The following DNAH7 variants were observed in gnomAD, a reference collection of about 807,000 sequenced individuals.
The protein encoded by DNAH7 is axonemal beta dynein heavy chain 7.
Under a neutral mutation model 444.6 loss-of-function variants are expected in DNAH7, and 397 were observed. That is an observed-to-expected ratio of 0.89 (90% CI 0.82 to 0.97). The LOEUF (loss-of-function observed/expected upper bound fraction) is 0.97, where lower values mean the gene tolerates loss of function less well. Ranked by LOEUF, DNAH7 falls within the 50% of genes least tolerant of loss-of-function variation. The pLI is 0.00. For synonymous variants in DNAH7, 1,636 were observed against 1,624.4 expected, an observed-to-expected ratio of 1.01 and a Z score of -0.17; for missense variants, 4,902 against 4,800.8, an observed-to-expected ratio of 1.02 and a Z score of -0.62.
intron 12 of DNAH7, among the ~76,000 whole-genome samples, chr2:195,989,989 C>T (rs1693193329): frequency 6.6e-6 from 1 of 152,152 alleles, no homozygotes; most frequent in African/African-American, 2.4e-5. Flanking sequence ...ACAAGAATGA[C>T]CTGTCACAGA....
rs1700226279 is a variant in DNAH7 at position 195,864,781 on chromosome 2, G to C, written c.6874C>G (p.Leu2292Val). ...NYREIADVDN[L>V]RMIVEIHLEE... ...AGGTGAATTTCTACTATCATTCGAA[G>C]ATTATCCACATCTGCGATTTCTCTG... is the stretch of plus-strand genomic sequence containing the variant. Residue 2292 changes from leucine (L) to valine (V), a missense_variant, in exon 41 of 65, where the codon CTT becomes GTT. Coordinates refer to ENST00000312428, the MANE Select transcript of DNAH7 (RefSeq NM_018897.3). 6.2e-7 allele frequency: 1 copy of C among 1,614,056 alleles called. No individual in the cohort carries two copies. Among genetic ancestry groups the C allele is most frequent in the African/African-American group, 1.3e-5 (1 of 74,892 alleles).
intron 60 of DNAH7, among the ~76,000 whole-genome samples, chr2:195,773,420 C>CAA (rs10718599): frequency 5.0e-5 from 7 of 141,048 alleles, no homozygotes; most frequent in African/African-American, 1.3e-4. Flanking sequence ...TGTGCCTCTG[C>CAA]AAAAAAAAAA....
At chr2:196,028,150 G>A in intron 5 of DNAH7, 103 bp from the exon 6 acceptor site, 6 of 905,376 alleles carry the variant, frequency 6.6e-6, no homozygotes, top group Admixed American at 2.6e-5. Flanking sequence ...TAAATCATAA[G>A]GAAAAATGAA....
intron 5 of DNAH7, 125 bp downstream of exon 5, chr2:196,047,227 C>G: frequency 1.4e-6 from 1 of 708,248 alleles, no homozygotes; most frequent in Non-Finnish European, 2.1e-6. Context: ...TATTTATACT[C>G]TGACCTCATT....
chr2:195,830,631 G>C (rs1698020722), intron 48 of DNAH7, among the ~76,000 whole-genome samples: 1 of 152,174 alleles, frequency 6.6e-6, no homozygotes, highest in Non-Finnish European at 1.5e-5. Flanking sequence ...TTCATTGAAG[G>C]GGTCGAGATG....
chr2:195,973,776 CT>C (rs1181953179), intron 15 of DNAH7, among the ~76,000 whole-genome samples: 5 of 152,064 alleles, frequency 3.3e-5, no homozygotes, highest in African/African-American at 1.2e-4. Flanking sequence ...CTGACCCTTC[CT>C]TTGTATTTTT....
At chr2:195,962,509 C>T (rs981398324) in intron 17 of DNAH7, among the ~76,000 whole-genome samples, 6 of 152,096 alleles carry the variant, frequency 3.9e-5, no homozygotes, top group Non-Finnish European at 8.8e-5. Context: ...GCCACCATGC[C>T]TGGCTAATTT....
chr2:195,915,320 G>A (rs982349043), intron 24 of DNAH7, among the ~76,000 whole-genome samples: 13 of 152,132 alleles, frequency 8.5e-5, no homozygotes, highest in Non-Finnish European at 1.5e-4. Flanking sequence ...ATTTATTGAG[G>A]AACAAAAGAA....
Position 195,794,482 on chromosome 2 carries a change from T to C in DNAH7, c.10572A>G (p.Pro3524=). Residue 3524 remains proline, a synonymous_variant, in exon 57 of 65, where the codon CCA becomes CCG. Transcript: ENST00000312428. ...GTACTGACACAGGGAAATTTGGAGA[T>C]GGGTAACTCGTTAGCCACATTCGGA... ...PDFRMWLTSY[P]SPNFPVSVLQ... is the part of the protein sequence containing the mutation. 1 of 1,614,228 alleles carries C rather than the reference T, an allele frequency of 6.2e-7. No individual in the cohort carries two copies. The highest frequency in any genetic ancestry group is 8.5e-7 in the Non-Finnish European group (1 of 1,180,038).
intron 8 of DNAH7, among the ~76,000 whole-genome samples, chr2:196,021,896 G>A (rs558560518): frequency 6.6e-6 from 1 of 152,284 alleles, no homozygotes; most frequent in Non-Finnish European, 1.5e-5. Flanking sequence ...GGAGGCTGAG[G>A]CAGGTGGATC....
intron 27 of DNAH7, chr2:195,900,928 T>C (rs1686664993): frequency 6.6e-6 from 1 of 152,484 alleles, no homozygotes; most frequent in African/African-American, 2.4e-5. Flanking sequence ...TATATACAAT[T>C]ATTGTATGTC....
intron 58 of DNAH7, among the ~76,000 whole-genome samples, chr2:195,782,915 C>T (rs1208278003): frequency 1.3e-5 from 2 of 152,166 alleles, no homozygotes; most frequent in Non-Finnish European, 2.9e-5. Flanking sequence ...TAAATCTCAT[C>T]TATTTTCAGG....
chr2:196,007,561 C>G (rs1389276563), intron 10 of DNAH7, among the ~76,000 whole-genome samples: 1 of 151,974 alleles, frequency 6.6e-6, no homozygotes, highest in Non-Finnish European at 1.5e-5. Flanking sequence ...GTGTCTCCAC[C>G]CAAATCTCAC....
chr2:196,053,416 G>A (rs1377008135), intron 2 of DNAH7, among the ~76,000 whole-genome samples: 2 of 152,154 alleles, frequency 1.3e-5, no homozygotes, highest in African/African-American at 2.4e-5. Flanking sequence ...TAGAACTTTC[G>A]CTCTCAATGG....
At chr2:196,064,599 G>A (rs1256922872) in intron 1 of DNAH7, among the ~76,000 whole-genome samples, 2 of 152,036 alleles carry the variant, frequency 1.3e-5, no homozygotes, top group African/African-American at 4.8e-5. Flanking sequence ...TCATTCCTAT[G>A]CAAATTTTTA....
At chr2:195,979,356 A>C (rs1692408558) in intron 15 of DNAH7, among the ~76,000 whole-genome samples, 1 of 152,198 alleles carries the variant, frequency 6.6e-6, no homozygotes, top group African/African-American at 2.4e-5. Context: ...AAATTAAACA[A>C]TATGCTCCTG....
chr2:195,944,728 T>C (rs1229543736), intron 19 of DNAH7, among the ~76,000 whole-genome samples: 1 of 152,150 alleles, frequency 6.6e-6, no homozygotes, highest in Non-Finnish European at 1.5e-5. Context: ...TTTGGCTATA[T>C]CAAATTTGTA....
At chr2:196,014,030 C>G (rs1335796492) in intron 9 of DNAH7, among the ~76,000 whole-genome samples, 1 of 152,112 alleles carries the variant, frequency 6.6e-6, no homozygotes, top group East Asian at 1.9e-4. Flanking sequence ...CATAGAATAC[C>G]ATCTTTGATG....
intron 48 of DNAH7, among the ~76,000 whole-genome samples, chr2:195,829,042 C>A (rs1017916670): frequency 1.3e-5 from 2 of 152,104 alleles, no homozygotes; most frequent in African/African-American, 4.8e-5. Context: ...AAAGAGCTGT[C>A]GTACTTAAGC....
Sources: allele counts gnomAD v4.1 joint callset (sites outside exome capture counted in the v4.1 genomes callset), GRCh38; gene constraint gnomAD v4.1.1; transcripts MANE v1.5; gene names NCBI Gene and HGNC (gene_info 2026-07-23, HGNC 2026-07-21).